Variants in FAM184B observed in about 807,000 individuals in gnomAD.
FAM184B encodes the protein family with sequence similarity 184 member B.
In FAM184B, 111 loss-of-function variants were observed where a neutral mutation model predicts 135.9. The ratio of observed to expected loss-of-function variants is 0.82; its 90% CI spans 0.70 to 0.96. The LOEUF (loss-of-function observed/expected upper bound fraction) is 0.96, where lower values mean the gene tolerates loss of function less well. FAM184B is among the 40% of genes least tolerant of loss of function. FAM184B has a pLI of 0.00. For synonymous variants in FAM184B, 552 were observed against 524.8 expected (o/e 1.05, Z -0.71); for missense variants, 1,375 against 1,323.9 (o/e 1.04, Z -0.60).
At chr4:17,668,694 G>A (rs937593117) in intron 7 of FAM184B, among the ~76,000 whole-genome samples, 6 of 152,074 alleles carry the variant, frequency 3.9e-5, no homozygotes, top group African/African-American at 9.7e-5. Context: ...CAACACGCCC[G>A]GCTAATTTTT....
intron 1 of FAM184B, among the ~76,000 whole-genome samples, chr4:17,778,053 G>A (rs1430572721): frequency 1.3e-5 from 2 of 151,502 alleles, no homozygotes; most frequent in African/African-American, 2.4e-5. Context: ...CCTGGGTGAC[G>A]TAGTGAGACA....
At chr4:17,636,473 G>A (rs1715139679) in intron 15 of FAM184B, 55 bp downstream of exon 15, 5 of 1,371,072 alleles carry the variant, frequency 3.6e-6, no homozygotes, top group Admixed American at 3.9e-5. Context: ...CCCTCCCGGG[G>A]GAGCCCGCAG....
At chr4:17,748,157 T>A (rs1007092062) in intron 1 of FAM184B, among the ~76,000 whole-genome samples, 3 of 151,326 alleles carry the variant, frequency 2.0e-5, no homozygotes, top group Non-Finnish European at 2.9e-5. Context: ...AAATGCCATT[T>A]GTTTTTTTCT....
At chr4:17,680,867 C>A (rs762445981) in intron 7 of FAM184B, among the ~76,000 whole-genome samples, 2 of 152,164 alleles carry the variant, frequency 1.3e-5, no homozygotes, top group Non-Finnish European at 2.9e-5. Context: ...TAAAGAAACA[C>A]CCACGCCCAG....
chr4:17,640,553 G>A (rs115303224), intron 13 of FAM184B, among the ~76,000 whole-genome samples: 1,841 of 147,004 alleles, frequency 0.013, 37 homozygotes, highest in African/African-American at 0.044. Flanking sequence ...AACACAACAG[G>A]GTTCAGTGTA....
intron 1 of FAM184B, among the ~76,000 whole-genome samples, chr4:17,761,457 A>G (rs1423692829): frequency 6.6e-6 from 1 of 152,242 alleles, no homozygotes; most frequent in Non-Finnish European, 1.5e-5. Flanking sequence ...TAGCCCAAGC[A>G]GATCTATACA....
chr4:17,728,695 A>G (rs1267423536), intron 1 of FAM184B, among the ~76,000 whole-genome samples: 1 of 152,178 alleles, frequency 6.6e-6, no homozygotes, highest in Admixed American at 6.5e-5. Flanking sequence ...CAGAGGTGGT[A>G]TTTCAGCATG....
chr4:17,702,297 T>C (rs1401773637), intron 5 of FAM184B, among the ~76,000 whole-genome samples: 2 of 152,078 alleles, frequency 1.3e-5, no homozygotes, highest in African/African-American at 4.8e-5. Flanking sequence ...GCTCAGGAGG[T>C]GCTGAATACA....
chr4:17,731,375 A>T (rs1168765256), intron 1 of FAM184B, among the ~76,000 whole-genome samples: 4 of 152,268 alleles, frequency 2.6e-5, no homozygotes, highest in African/African-American at 9.6e-5. Flanking sequence ...TAAAAGGCAC[A>T]GACTGGCAAA....
Position 17,677,064 on chromosome 4 carries a change from T to A in FAM184B, c.1596+11360A>T, listed in dbSNP as rs182750382. Reference sequence around the variant, plus strand: ...GTTGGCTGAATGAGTACTTTTTTTTTAGATAAGGTCTGTGGCTCTGTTGCC... The same window carrying A: ...GTTGGCTGAATGAGTACTTTTTTTTAAGATAAGGTCTGTGGCTCTGTTGCC... On this transcript the variant is annotated intron_variant, in intron 7 of 17. Coordinates refer to ENST00000265018, the MANE Select transcript of FAM184B (RefSeq NM_015688.2). Among the ~76,000 whole-genome samples the A allele has an allele frequency of 4.6e-3, 694 of 152,320 alleles. 1 individual carries two copies. Among genetic ancestry groups the A allele is most frequent in the Non-Finnish European group, 7.0e-3 (473 of 68,022 alleles).
At chr4:17,646,034 A>T (rs1715458644) in intron 12 of FAM184B, among the ~76,000 whole-genome samples, 1 of 152,132 alleles carries the variant, frequency 6.6e-6, no homozygotes, top group Admixed American at 6.5e-5. Flanking sequence ...ATGAGATACC[A>T]TCTCACACCA....
chr4:17,742,718 C>T (rs1456111706), intron 1 of FAM184B, among the ~76,000 whole-genome samples: 1 of 152,222 alleles, frequency 6.6e-6, no homozygotes, highest in Non-Finnish European at 1.5e-5. Flanking sequence ...ACCTTCCCAT[C>T]CCGTTGGCAG....
At position 17,781,030 on chromosome 4, in the gene FAM184B, C is replaced by T; in HGVS notation, c.141+129G>A. ...ACCCAGATTTAGGACCGCTTCCCTT[C>T]CCGGTTGGCCTCCGAGACAAAGTTT... On this transcript the variant is annotated intron_variant, in intron 1 of 17. Coordinates refer to ENST00000265018, the MANE Select transcript of FAM184B (RefSeq NM_015688.2). This position sits in a 1 kb window ranked among gnomAD's most constrained non-coding sequence, Gnocchi z 6.5. The T allele has an allele frequency of 8.3e-7, 1 of 1,201,300 alleles. No individual in the cohort carries two copies. Among genetic ancestry groups the T allele is most frequent in the Non-Finnish European group, 1.1e-6 (1 of 888,830 alleles). 74.4% of individuals were successfully genotyped at this position (1,201,300 alleles called of 1,614,324 possible).
intron 10 of FAM184B, among the ~76,000 whole-genome samples, chr4:17,654,409 C>T (rs942736667): frequency 1.3e-5 from 2 of 151,994 alleles, no homozygotes; most frequent in African/African-American, 2.4e-5. Context: ...TCTCAAATTC[C>T]GAAGCTCAAG....
chr4:17,648,221 G>A (rs910819020), intron 11 of FAM184B, among the ~76,000 whole-genome samples: 1 of 152,176 alleles, frequency 6.6e-6, no homozygotes, highest in African/African-American at 2.4e-5. Flanking sequence ...AGGGCATTCT[G>A]TGACAACGCT....
intron 1 of FAM184B, among the ~76,000 whole-genome samples, chr4:17,741,226 T>A (rs1718025368): frequency 6.6e-6 from 1 of 152,202 alleles, no homozygotes; most frequent in Non-Finnish European, 1.5e-5. Flanking sequence ...TAGTGATATG[T>A]GCTCAAAGAA....
chr4:17,635,609 CCA>C (rs1267459901), intron 15 of FAM184B, among the ~76,000 whole-genome samples: 1 of 151,564 alleles, frequency 6.6e-6, no homozygotes, highest in Non-Finnish European at 1.5e-5. Context: ...TTACTAAATT[CCA>C]GTTATTACAT....
At chr4:17,764,946 A>G (rs1010385595) in intron 1 of FAM184B, among the ~76,000 whole-genome samples, 1 of 152,140 alleles carries the variant, frequency 6.6e-6, no homozygotes, top group African/African-American at 2.4e-5. Context: ...CACATCTGTA[A>G]TCCCAGCTAC....
At chr4:17,778,056 G>C (rs1271168467) in intron 1 of FAM184B, among the ~76,000 whole-genome samples, 2 of 151,468 alleles carry the variant, frequency 1.3e-5, no homozygotes, top group Non-Finnish European at 2.9e-5. Context: ...GGGTGACGTA[G>C]TGAGACACTG....
Sources: allele counts gnomAD v4.1 joint callset (sites outside exome capture counted in the v4.1 genomes callset), GRCh38; gene constraint gnomAD v4.1.1; non-coding constraint Gnocchi (gnomAD v3.1); transcripts MANE v1.5; gene names NCBI Gene and HGNC (gene_info 2026-07-23, HGNC 2026-07-21).